The following HECW2 variants were observed in gnomAD, a reference collection of about 807,000 sequenced individuals.
HECW2 encodes the protein E3 ubiquitin-protein ligase HECW2.
In HECW2, 61 loss-of-function variants were observed where a neutral mutation model predicts 175.2. That is an observed-to-expected ratio of 0.35 (90% confidence interval 0.28 to 0.43). The LOEUF (loss-of-function observed/expected upper bound fraction) is 0.43. Among genes scored for constraint, HECW2 ranks in the 20% least tolerant of loss-of-function variants. HECW2 has a pLI of 1.00. For synonymous variants in HECW2, 671 were observed against 731.0 expected (o/e 0.92, Z 1.32); for missense variants, 1,524 against 2,000.5 (o/e 0.76, Z 4.54).
At chr2:196,451,021 A>G (rs942479261) in intron 1 of HECW2, among the ~76,000 whole-genome samples, 9 of 152,226 alleles carry the variant, frequency 5.9e-5, no homozygotes, top group African/African-American at 2.2e-4. Flanking sequence ...TTAGACAGAT[A>G]TAATTATTGA....
intron 28 of HECW2, among the ~76,000 whole-genome samples, chr2:196,213,346 C>G (rs10203162): frequency 0.076 from 11,547 of 152,190 alleles, 695 homozygotes; most frequent in African/African-American, 0.16. Context: ...CATTATCTTA[C>G]AATTGTCAAA....
At chr2:196,208,877 G>A (rs965735955) in intron 28 of HECW2, among the ~76,000 whole-genome samples, 1 of 152,188 alleles carries the variant, frequency 6.6e-6, no homozygotes, top group Non-Finnish European at 1.5e-5. Context: ...AGCCACCAGA[G>A]GGTGTAGGCA....
chr2:196,521,345 C>T (rs1688373775), intron 1 of HECW2, among the ~76,000 whole-genome samples: 1 of 147,780 alleles, frequency 6.8e-6, no homozygotes, highest in South Asian at 2.2e-4. Flanking sequence ...CAATTCATAC[C>T]TAATTTTATA....
At chr2:196,450,226 T>C (rs1559116957) in intron 1 of HECW2, among the ~76,000 whole-genome samples, 1 of 152,180 alleles carries the variant, frequency 6.6e-6, no homozygotes, top group African/African-American at 2.4e-5. Flanking sequence ...CACTGTTTAG[T>C]ACACAAAACC....
rs1692482451 is a variant in HECW2 at position 196,334,574 on chromosome 2, A to AACAAGT, written c.401-57_401-56insACTTGT. 2.9e-6 allele frequency: 4 copies of AACAAGT among 1,393,530 alleles called. No individual in the cohort carries two copies. In the African/African-American group the frequency reaches 5.7e-5, roughly 20 times the overall value. The allele number at this position is 1,393,530 out of a possible 1,614,324, so 86.3% of individuals were successfully genotyped here. A position where few individuals can be genotyped will look rare whatever the true frequency, so the allele number is the denominator to read the frequency against. Reference sequence around the variant, plus strand: ...AAACAGTGAAACAAGTCATGGAGGAATCAGCTGTGGAAATCCACCATACCA... The same window carrying AACAAGT: ...AAACAGTGAAACAAGTCATGGAGGAAACAAGTTCAGCTGTGGAAATCCACCATACCA... On this transcript the variant is annotated intron_variant, in intron 3 of 28. Transcript: ENST00000644978.
chr2:196,378,099 T>A (rs1694102031), intron 2 of HECW2, among the ~76,000 whole-genome samples: 1 of 152,200 alleles, frequency 6.6e-6, no homozygotes, highest in Non-Finnish European at 1.5e-5. Context: ...TGGGAGTCAA[T>A]GGGACTGCCA....
chr2:196,572,549 T>C (rs1413326183), intron 1 of HECW2, among the ~76,000 whole-genome samples: 1 of 152,216 alleles, frequency 6.6e-6, no homozygotes, highest in African/African-American at 2.4e-5. Context: ...GTACTTAACA[T>C]TACTGAATTG....
chr2:196,323,915 G>GTTTTTTTTTTTTT lies in HECW2; in HGVS notation c.741+1064_741+1065insAAAAAAAAAAAAA, dbSNP rs1160140452. 1.5e-4 allele frequency among the ~76,000 whole-genome samples: 10 copies of GTTTTTTTTTTTTT among 68,790 alleles called. 2 individuals are homozygous for GTTTTTTTTTTTTT. Among genetic ancestry groups the GTTTTTTTTTTTTT allele is most frequent in the Non-Finnish European group, 2.1e-4 (7 of 32,632 alleles). 45.1% of individuals were successfully genotyped at this position (68,790 alleles called of 152,430 possible). A position where few individuals can be genotyped will look rare whatever the true frequency, so the allele number is the denominator to read the frequency against. ...CCCTTAAGAGTTTTTTTTGTTTTTTGTTTGTTTTTTTTTTTTTTTTTTACC... is the reference window on the plus strand; with the variant it reads ...CCCTTAAGAGTTTTTTTTGTTTTTTGTTTTTTTTTTTTTTTTGTTTTTTTTTTTTTTTTTTACC... On this transcript the variant is annotated intron_variant, in intron 6 of 28. Coordinates refer to ENST00000644978, the MANE Select transcript of HECW2 (RefSeq NM_001348768.2).
intron 2 of HECW2, among the ~76,000 whole-genome samples, chr2:196,420,701 A>G (rs1311507660): frequency 6.6e-6 from 1 of 152,188 alleles, no homozygotes; most frequent in Non-Finnish European, 1.5e-5. Flanking sequence ...TAAGAAAATC[A>G]AGCCCAGTTG....
chr2:196,253,857 T>A, intron 19 of HECW2, 63 bp downstream of exon 19: 1 of 1,455,888 alleles, frequency 6.9e-7, no homozygotes, highest in South Asian at 1.1e-5. Context: ...TTAGGGAGGA[T>A]AGAACATCTG....
At chr2:196,409,552 G>A (rs1186153993) in intron 2 of HECW2, among the ~76,000 whole-genome samples, 6 of 152,210 alleles carry the variant, frequency 3.9e-5, no homozygotes, top group South Asian at 2.1e-4. Context: ...TTTGGCCAAC[G>A]CACCACACTC....
chr2:196,374,041 A>T lies in HECW2; in HGVS notation c.293-30277T>A, dbSNP rs577024640. Among the ~76,000 whole-genome samples the T allele has an allele frequency of 3.4e-3, 446 of 131,502 alleles. 1 individual carries two copies. The highest frequency in any genetic ancestry group is 0.014 in the African/African-American group (405 of 28,182). The allele number at this position is 131,502 out of a possible 152,430, so 86.3% of individuals were successfully genotyped here. On this transcript the variant is annotated intron_variant, in intron 2 of 28. Transcript: ENST00000644978. ...AGAGAGACTCCGTCTCAAAAAAAATAAAATAAAATAAATAAATAAATAAAT... is the reference window on the plus strand; with the variant it reads ...AGAGAGACTCCGTCTCAAAAAAAATTAAATAAAATAAATAAATAAATAAAT...
At chr2:196,409,227 G>A (rs1330886494) in intron 2 of HECW2, among the ~76,000 whole-genome samples, 1 of 152,164 alleles carries the variant, frequency 6.6e-6, no homozygotes, top group East Asian at 1.9e-4. Context: ...AGAGAACAAA[G>A]AGAAGATTCA....
intron 2 of HECW2, among the ~76,000 whole-genome samples, chr2:196,372,987 G>A (rs1258626824): frequency 6.6e-6 from 1 of 152,192 alleles, no homozygotes; most frequent in African/African-American, 2.4e-5. Context: ...ACAATTTTGA[G>A]AGGATTGTGA....
intron 2 of HECW2, among the ~76,000 whole-genome samples, chr2:196,410,405 T>C (rs1166857623): frequency 6.6e-6 from 1 of 152,144 alleles, no homozygotes; most frequent in Non-Finnish European, 1.5e-5. Flanking sequence ...AACTTAAAAA[T>C]AGACAAAGCA....
intron 2 of HECW2, among the ~76,000 whole-genome samples, chr2:196,363,336 TTACAGA>T (rs1408801299): frequency 7.9e-5 from 12 of 151,814 alleles, no homozygotes; most frequent in African/African-American, 2.7e-4. Flanking sequence ...TAGGCCCATG[TTACAGA>T]TGAGAAAACT....
chr2:196,320,534 C>T (rs761647135), intron 7 of HECW2, 95 bp from the exon 8 acceptor site: 11 of 683,890 alleles, frequency 1.6e-5, no homozygotes, highest in Non-Finnish European at 2.9e-5. Flanking sequence ...TCCTATCTCT[C>T]TTAAAACTTT....
At chr2:196,234,014 A>G (rs1381127821) in intron 21 of HECW2, among the ~76,000 whole-genome samples, 3 of 152,216 alleles carry the variant, frequency 2.0e-5, no homozygotes, top group Non-Finnish European at 4.4e-5. Flanking sequence ...AAACTCCCAA[A>G]CTAAAACTGC....
intron 2 of HECW2, among the ~76,000 whole-genome samples, chr2:196,417,293 A>AT (rs1695281407): frequency 6.6e-6 from 1 of 152,224 alleles, no homozygotes; most frequent in Admixed American, 6.5e-5. Flanking sequence ...GTTTCCTTAG[A>AT]TTTGAGTGAA....
Sources: gnomAD v4.1 joint callset for allele counts (sites outside exome capture counted in the v4.1 genomes callset) on GRCh38, gnomAD v4.1.1 for gene constraint, MANE v1.5 for transcripts, NCBI Gene and HGNC (gene_info 2026-07-23, HGNC 2026-07-21) for gene names.